NIPBL: variants seen among roughly 807,000 people sequenced by gnomAD.
The protein encoded by NIPBL is NIPBL cohesin loading factor.
Under a neutral mutation model 321.8 loss-of-function variants are expected in NIPBL, and 19 were observed. That is an observed-to-expected ratio of 0.06 (90% CI 0.04 to 0.09). NIPBL has a LOEUF of 0.09. NIPBL is among the 10% of genes least tolerant of loss of function. The pLI, the probability that NIPBL is intolerant of heterozygous loss-of-function variation, is 1.00. For synonymous variants in NIPBL, 1,106 were observed against 1,114.1 expected (o/e 0.99, Z 0.14); for missense variants, 2,210 against 3,327.0 (o/e 0.66, Z 8.26).
At chr5:36,980,555 A>G (rs886261783) in intron 9 of NIPBL, among the ~76,000 whole-genome samples, 4 of 151,638 alleles carry the variant, frequency 2.6e-5, no homozygotes, top group Middle Eastern at 3.2e-3. Flanking sequence ...AGATACACAG[A>G]TGCTTACCAT....
chr5:37,000,857 G>GA lies in NIPBL; in HGVS notation c.3546dup (p.Ala1183SerfsTer3). ...AGAAAAAAGAAAAACAGAAGAAAAGGAAAGCATATGAACCAAAACTAACAC... is the reference window on the plus strand; with the variant it reads ...AGAAAAAAGAAAAACAGAAGAAAAGGAAAAGCATATGAACCAAAACTAACAC... On this transcript the variant is annotated frameshift_variant, in exon 13 of 47. Transcript: ENST00000282516. LOFTEE classifies it high-confidence loss of function. 6.2e-7 allele frequency: 1 copy of GA among 1,612,256 alleles called. No individual in the cohort carries two copies. The highest frequency in any genetic ancestry group is 8.5e-7 in the Non-Finnish European group (1 of 1,178,786).
chr5:37,064,126 C>T, intron 46 of NIPBL, 148 bp downstream of exon 46: 2 of 1,438,092 alleles, frequency 1.4e-6, no homozygotes, highest in Non-Finnish European at 1.8e-6. Context: ...CTCTACTTAC[C>T]CGTTTATACA....
At chr5:36,905,752 T>G (rs542475987) in intron 1 of NIPBL, among the ~76,000 whole-genome samples, 41 of 144,336 alleles carry the variant, frequency 2.8e-4, no homozygotes, top group South Asian at 1.5e-3. Context: ...TGTTTTTGTG[T>G]TTTTTTTTTG....
At chr5:36,896,411 C>G (rs1384331921) in intron 1 of NIPBL, among the ~76,000 whole-genome samples, 2 of 152,110 alleles carry the variant, frequency 1.3e-5, no homozygotes, top group Non-Finnish European at 2.9e-5. Flanking sequence ...TCTTCTGGAT[C>G]TCTCATTTTC....
intron 41 of NIPBL, among the ~76,000 whole-genome samples, 196 bp downstream of exon 41, chr5:37,052,082 T>G (rs1266758595): frequency 6.6e-6 from 1 of 152,108 alleles, no homozygotes; most frequent in Admixed American, 6.6e-5. Flanking sequence ...GAGGTGACAG[T>G]ACCAAGCACA....
At position 37,063,966 on chromosome 5, in the gene NIPBL, A is replaced by C; in HGVS notation, c.8037A>C (p.Gly2679=). ...DDESDGEDRG[G]GTSGSLRRSK... ...AAAGTGATGGGGAGGATAGAGGAGG[A>C]GGCACTTCAGGGGTGAGGCGGAGGA... The change falls in exon 46 of 47, where the codon GGA becomes GGC. Residue 2679 remains glycine, a synonymous_variant. Coordinates refer to ENST00000282516, the MANE Select transcript of NIPBL (RefSeq NM_133433.4). 3.1e-6 allele frequency: 5 copies of C among 1,614,042 alleles called. No homozygotes were observed. Among genetic ancestry groups the C allele is most frequent in the Non-Finnish European group, 3.4e-6 (4 of 1,180,010 alleles).
chr5:37,041,948 A>G (rs1752435189), intron 34 of NIPBL, among the ~76,000 whole-genome samples: 1 of 152,064 alleles, frequency 6.6e-6, no homozygotes, highest in Non-Finnish European at 1.5e-5. Context: ...TTCTATCCCT[A>G]GACCCACTTT....
chr5:36,952,431 A>G (rs993527116), intron 1 of NIPBL, among the ~76,000 whole-genome samples: 2 of 152,170 alleles, frequency 1.3e-5, no homozygotes, highest in African/African-American at 4.8e-5. Context: ...TGATTAATTT[A>G]TAAAGTAAAA....
intron 3 of NIPBL, among the ~76,000 whole-genome samples, chr5:36,955,974 C>T (rs752245044): frequency 1.3e-5 from 2 of 151,298 alleles, no homozygotes; most frequent in Admixed American, 6.6e-5. Context: ...GTAATCCCAG[C>T]ACTTTGGGAG....
Position 37,057,232 on chromosome 5 carries a change from G to C in NIPBL, c.7310G>C (p.Cys2437Ser), listed in dbSNP as rs1561222509. The change falls in exon 43 of 47, where the codon TGT becomes TCT. Residue 2437 changes from cysteine to serine, a missense_variant. By Grantham distance (112) the Cys-to-Ser change is moderately radical. Transcript: ENST00000282516. Reference sequence around the variant, plus strand: ...TTGTATATAGCAGACAATCTAGCCTGTTTTCCATACCAGACACAGGAAGAG... The same window carrying C: ...TTGTATATAGCAGACAATCTAGCCTCTTTTCCATACCAGACACAGGAAGAG... ...MLLYIADNLA[C>S]FPYQTQEEPL... 1 of 1,613,906 alleles carries C rather than the reference G, an allele frequency of 6.2e-7. No individual in the cohort carries two copies. Among genetic ancestry groups the C allele is most frequent in the Admixed American group, 1.7e-5 (1 of 59,998 alleles).
At chr5:36,879,108 C>A (rs1004014775) in intron 1 of NIPBL, among the ~76,000 whole-genome samples, 1 of 151,964 alleles carries the variant, frequency 6.6e-6, no homozygotes, top group Non-Finnish European at 1.5e-5. Context: ...GTTTAAAAGG[C>A]CTTCATATAT....
Position 37,037,888 on chromosome 5 carries a change from TAAC to T in NIPBL, c.5972-712_5972-710del, listed in dbSNP as rs140835401. Among the ~76,000 whole-genome samples the T allele has an allele frequency of 3.9e-3, 596 of 152,200 alleles. 4 individuals carry two copies. Among genetic ancestry groups the T allele is most frequent in the African/African-American group, 0.014 (567 of 41,548 alleles). ...ATTTCTGTTTGTTGCTCCCATTTTTTAACATTCTTCTACTGCAACAACATGTCT... is the reference window on the plus strand; with the variant it reads ...ATTTCTGTTTGTTGCTCCCATTTTTTATTCTTCTACTGCAACAACATGTCT... On this transcript the variant is annotated intron_variant, in intron 33 of 46. Transcript: ENST00000282516.
chr5:36,983,957 C>T (rs1744434993), intron 9 of NIPBL, among the ~76,000 whole-genome samples: 1 of 151,854 alleles, frequency 6.6e-6, no homozygotes, highest in East Asian at 1.9e-4. Flanking sequence ...CTAATTTATA[C>T]CTATTGCTCC....
At chr5:37,000,332 T>C in intron 11 of NIPBL, 41 bp from the exon 12 acceptor site, 5 of 1,587,938 alleles carry the variant, frequency 3.1e-6, no homozygotes, top group Non-Finnish European at 4.3e-6. Flanking sequence ...AATCATCTTT[T>C]TAAATGAGGT....
At chr5:36,923,633 A>G (rs908171915) in intron 1 of NIPBL, among the ~76,000 whole-genome samples, 2 of 152,152 alleles carry the variant, frequency 1.3e-5, no homozygotes, top group Non-Finnish European at 1.5e-5. Context: ...TAAAAATTTT[A>G]TATCCAGAAG....
chr5:36,895,866 T>C (rs907169679), intron 1 of NIPBL, among the ~76,000 whole-genome samples: 1 of 152,238 alleles, frequency 6.6e-6, no homozygotes, highest in Non-Finnish European at 1.5e-5. Context: ...AAGTTCCTTA[T>C]CAGATACGTG....
intron 1 of NIPBL, among the ~76,000 whole-genome samples, chr5:36,945,264 G>A (rs1346633054): frequency 6.6e-6 from 1 of 152,016 alleles, no homozygotes; most frequent in African/African-American, 2.4e-5. Flanking sequence ...ATTAAACTTT[G>A]CATAACTAAC....
chr5:37,056,466 AC>A (rs1174098228), intron 42 of NIPBL, among the ~76,000 whole-genome samples: 5 of 151,922 alleles, frequency 3.3e-5, no homozygotes, highest in Admixed American at 6.6e-5. Context: ...ATTCTCTATT[AC>A]TTCTTTTTAA....
At chr5:37,044,261 C>T (rs1752751424) in intron 34 of NIPBL, 86 bp from the exon 35 acceptor site, 1 of 1,266,226 alleles carries the variant, frequency 7.9e-7, no homozygotes, top group Non-Finnish European at 1.1e-6. Flanking sequence ...GCAAAATGCC[C>T]TATTTCTGCC....
Sources: gnomAD v4.1 joint callset for allele counts (sites outside exome capture counted in the v4.1 genomes callset) on GRCh38, gnomAD v4.1.1 for gene constraint, MANE v1.5 for transcripts, NCBI Gene and HGNC (gene_info 2026-07-23, HGNC 2026-07-21) for gene names.